Variants in SLCO6A1 observed in about 807,000 individuals in gnomAD.
SLCO6A1 encodes the protein cancer/testis antigen 48.
In SLCO6A1, 65 loss-of-function variants were observed where a neutral mutation model predicts 72.7. The observed-to-expected ratio is 0.89, with a 90% confidence interval of 0.73 to 1.10. The LOEUF (loss-of-function observed/expected upper bound fraction) is 1.10, where lower values mean the gene tolerates loss of function less well. Among genes scored for constraint, SLCO6A1 ranks in the 50% least tolerant of loss-of-function variants. The pLI is 0.00. For missense variants in SLCO6A1, 874 were observed against 872.6 expected (o/e 1.00, Z -0.02); for synonymous variants, 314 against 298.2 (o/e 1.05, Z -0.55).
chr5:102,390,015 A>AT (rs1455278802), intron 11 of SLCO6A1, among the ~76,000 whole-genome samples: 1 of 152,160 alleles, frequency 6.6e-6, no homozygotes. Flanking sequence ...AAGTGCTGGG[A>AT]TTACAAATAT....
At chr5:102,450,903 C>G (rs1750380313) in intron 6 of SLCO6A1, among the ~76,000 whole-genome samples, 1 of 152,210 alleles carries the variant, frequency 6.6e-6, no homozygotes, top group Non-Finnish European at 1.5e-5. Flanking sequence ...CCCTTTATCT[C>G]TTTGCCAGCC....
In SLCO6A1 at chr5:102,480,303, A is replaced by G. The variant is rs140307604; in HGVS notation, c.490T>C (p.Phe164Leu). Residue 164 changes from phenylalanine (F) to leucine (L), a missense_variant, in exon 2 of 14, where the codon TTC becomes CTC. By Grantham distance (22) the Phe-to-Leu change is conservative. Transcript: ENST00000506729. ...ATTACTTTTTTTCTGTCTCCATAGA[A>G]TGCTATAAATATTGCTACCAGGCCA... ...SSGLVAIFIA[F>L]YGDRKKVIWF... 8.2e-4 allele frequency: 1,328 copies of G among 1,613,516 alleles called. 3 individuals carry two copies. Among genetic ancestry groups the G allele is most frequent in the Non-Finnish European group, 1.0e-3 (1,217 of 1,179,714 alleles).
At chr5:102,414,936 TAAA>T (rs1561441830) in intron 8 of SLCO6A1, among the ~76,000 whole-genome samples, 1 of 150,904 alleles carries the variant, frequency 6.6e-6, no homozygotes, top group Non-Finnish European at 1.5e-5. Flanking sequence ...AATAAATAAA[TAAA>T]TTAATTAATA....
chr5:102,411,097 G>C (rs1747951638), intron 9 of SLCO6A1, among the ~76,000 whole-genome samples: 1 of 152,144 alleles, frequency 6.6e-6, no homozygotes, highest in Non-Finnish European at 1.5e-5. Context: ...AAGTAGCATA[G>C]AGCTAAGACA....
At chr5:102,494,434 A>G (rs2112870913) in intron 1 of SLCO6A1, among the ~76,000 whole-genome samples, 1 of 152,288 alleles carries the variant, frequency 6.6e-6, no homozygotes, top group South Asian at 2.1e-4. Flanking sequence ...ATTATACTTC[A>G]TCAAAGTTGA....
At chr5:102,424,650 G>A (rs1476596435) in intron 7 of SLCO6A1, among the ~76,000 whole-genome samples, 1 of 152,042 alleles carries the variant, frequency 6.6e-6, no homozygotes, top group Non-Finnish European at 1.5e-5. Flanking sequence ...ATGAAAAAAA[G>A]CCCAGGATCA....
At chr5:102,414,998 T>C (rs1295146182) in intron 8 of SLCO6A1, among the ~76,000 whole-genome samples, 1 of 151,872 alleles carries the variant, frequency 6.6e-6, no homozygotes, top group African/African-American at 2.4e-5. Flanking sequence ...CCTAGGAATA[T>C]ATTAAACTAA....
chr5:102,495,766 G>C (rs898325417), intron 1 of SLCO6A1, among the ~76,000 whole-genome samples: 1 of 151,918 alleles, frequency 6.6e-6, no homozygotes. Flanking sequence ...AAGGATGGAG[G>C]GAAAGGGAGA....
chr5:102,404,288 G>T (rs1180089163), intron 9 of SLCO6A1, among the ~76,000 whole-genome samples: 1 of 152,214 alleles, frequency 6.6e-6, no homozygotes, highest in African/African-American at 2.4e-5. Context: ...AAGGTCAGGA[G>T]ATCGAGACCA....
At chr5:102,375,942 C>T (rs1374891169) in intron 12 of SLCO6A1, among the ~76,000 whole-genome samples, 1 of 151,914 alleles carries the variant, frequency 6.6e-6, no homozygotes, top group Admixed American at 6.6e-5. Context: ...GCTCAGCATA[C>T]ACAAAAGAGG....
At chr5:102,427,856 ATATATATATTT>A (rs1214051132) in intron 7 of SLCO6A1, among the ~76,000 whole-genome samples, 1,956 of 124,018 alleles carry the variant, frequency 0.016, 20 homozygotes, top group African/African-American at 0.068. Context: ...ATATATATAT[ATATATATATTT>A]TTTTTTTTTT....
chr5:102,498,382 C>T lies in SLCO6A1; in HGVS notation c.358+105G>A, dbSNP rs982244198. 19 of 1,095,890 alleles carry T rather than the reference C, an allele frequency of 1.7e-5. No homozygotes were observed. The East Asian group carries it at 3.1e-4, about 18-fold the overall frequency. 67.9% of individuals were successfully genotyped at this position (1,095,890 alleles called of 1,614,324 possible). On this transcript the variant is annotated intron_variant, in intron 1 of 13. Coordinates refer to ENST00000506729, the MANE Select transcript of SLCO6A1 (RefSeq NM_173488.5). ...AGCCTCAGGCTGGGCCACCCCAGGG[C>T]ATGCTGGGCCACCCCAGGGCGTCCT...
rs139875949 is a variant in SLCO6A1, at chr5:102,391,125, AT to A, written c.1815-81del. On this transcript the variant is annotated intron_variant, in intron 10 of 13. Coordinates refer to ENST00000506729, the MANE Select transcript of SLCO6A1 (RefSeq NM_173488.5). Reference sequence around the variant, plus strand: ...ATGTATGCTAGATTCAAGGCTAATCATTTTTTTTTTCTGGTGCATCAATTGT... The same window carrying A: ...ATGTATGCTAGATTCAAGGCTAATCATTTTTTTTTCTGGTGCATCAATTGT... The A allele has an allele frequency of 7.1e-3, 8,109 of 1,142,554 alleles. 203 individuals carry two copies. In the African/African-American group the frequency reaches 0.086, roughly 12 times the overall value. 70.8% of individuals were successfully genotyped at this position (1,142,554 alleles called of 1,614,324 possible).
At chr5:102,383,275 T>A (rs1746226956) in intron 12 of SLCO6A1, among the ~76,000 whole-genome samples, 1 of 151,338 alleles carries the variant, frequency 6.6e-6, no homozygotes, top group South Asian at 2.1e-4. Context: ...ATCTCTGTCT[T>A]TTTCCTGATC....
At position 102,414,423 on chromosome 5, in the gene SLCO6A1, T is replaced by G. The variant is rs184682857; in HGVS notation, c.1473-1280A>C. 2.2e-4 allele frequency among the ~76,000 whole-genome samples: 33 copies of G among 152,118 alleles called. No individual in the cohort carries two copies. The East Asian group carries it at 6.4e-3, about 29-fold the overall frequency. On this transcript the variant is annotated intron_variant, in intron 8 of 13. Coordinates refer to ENST00000506729, the MANE Select transcript of SLCO6A1 (RefSeq NM_173488.5). ...GAAAGAGAATAAAAGGCTTCCAAAT[T>G]GGAAAAGAGAAAGTCAAATTATCCC... is the stretch of plus-strand genomic sequence containing the variant.
chr5:102,415,008 A>G (rs1748204886), intron 8 of SLCO6A1, among the ~76,000 whole-genome samples: 1 of 152,056 alleles, frequency 6.6e-6, no homozygotes, highest in African/African-American at 2.4e-5. Context: ...TATTAAACTA[A>G]CAAGGTGAAA....
At chr5:102,462,196 T>C (rs181376627) in intron 4 of SLCO6A1, among the ~76,000 whole-genome samples, 24 of 152,296 alleles carry the variant, frequency 1.6e-4, no homozygotes, top group Admixed American at 1.5e-3. Context: ...GAAAGACCTC[T>C]ACCAGGAAAA....
At chr5:102,429,236 C>T (rs2112647406) in intron 7 of SLCO6A1, among the ~76,000 whole-genome samples, 1 of 152,282 alleles carries the variant, frequency 6.6e-6, no homozygotes, top group South Asian at 2.1e-4. Flanking sequence ...GAAATATTTT[C>T]TCCCATTCTG....
chr5:102,402,259 TAGAA>T (rs541326470), intron 9 of SLCO6A1, among the ~76,000 whole-genome samples: 1 of 152,182 alleles, frequency 6.6e-6, no homozygotes, highest in South Asian at 2.1e-4. Context: ...GTTAGAGTAT[TAGAA>T]AGAGCCTCAA....
Sources: gnomAD v4.1 joint callset for allele counts (sites outside exome capture counted in the v4.1 genomes callset) on GRCh38, gnomAD v4.1.1 for gene constraint, MANE v1.5 for transcripts, NCBI Gene and HGNC (gene_info 2026-07-23, HGNC 2026-07-21) for gene names.